The following CEP57L1 variants were observed in gnomAD, a reference collection of about 807,000 sequenced individuals.
CEP57L1 encodes the protein centrosomal protein CEP57L1.
Under a neutral mutation model 61.0 loss-of-function variants are expected in CEP57L1, and 37 were observed. The ratio of observed to expected loss-of-function variants is 0.61; its 90% CI spans 0.47 to 0.80. The LOEUF (loss-of-function observed/expected upper bound fraction) is 0.80. Ranked by LOEUF, CEP57L1 falls within the 30% of genes least tolerant of loss-of-function variation. The pLI, the probability that CEP57L1 is intolerant of heterozygous loss-of-function variation, is 0.00. For missense variants in CEP57L1, 422 were observed against 524.7 expected, an observed-to-expected ratio of 0.80 and a Z score of 1.91; for synonymous variants, 137 against 162.3, an observed-to-expected ratio of 0.84 and a Z score of 1.19.
chr6:109,124,755 C>G (rs1372742032), intron 1 of CEP57L1, among the ~76,000 whole-genome samples: 1 of 152,152 alleles, frequency 6.6e-6, no homozygotes, highest in Admixed American at 6.6e-5. Context: ...CAGAATACTA[C>G]TAGTTCAGTA....
Position 109,170,317 on chromosome 6 carries a change from A to G in CEP57L1, c.*7347A>G, listed in dbSNP as rs1013911835. 6.6e-6 allele frequency among the ~76,000 whole-genome samples: 1 copy of G among 152,190 alleles called. No homozygotes were observed. Among genetic ancestry groups the G allele is most frequent in the African/African-American group, 2.4e-5 (1 of 41,452 alleles). On this transcript the variant is annotated 3_prime_UTR_variant, in exon 11 of 11. Coordinates refer to ENST00000517392, the MANE Select transcript of CEP57L1 (RefSeq NM_001271852.3). Reference sequence around the variant, plus strand: ...TTCCAATCAGCTAAAATAATGTAAAATAATGTACTTTTCAACCTGACTTGG... The same window carrying G: ...TTCCAATCAGCTAAAATAATGTAAAGTAATGTACTTTTCAACCTGACTTGG...
intron 1 of CEP57L1, among the ~76,000 whole-genome samples, chr6:109,131,060 T>C (rs913406806): frequency 6.6e-6 from 1 of 152,182 alleles, no homozygotes. Flanking sequence ...ATTTTTCATA[T>C]CTATCAAGGA....
intron 1 of CEP57L1, among the ~76,000 whole-genome samples, chr6:109,142,172 G>A (rs1398660473): frequency 6.6e-6 from 1 of 152,108 alleles, no homozygotes; most frequent in Non-Finnish European, 1.5e-5. Context: ...TTCCCTGGTT[G>A]TTCACAAGCT....
At chr6:109,112,963 G>A (rs1478266363) in intron 1 of CEP57L1, among the ~76,000 whole-genome samples, 1 of 152,120 alleles carries the variant, frequency 6.6e-6, no homozygotes, top group Non-Finnish European at 1.5e-5. Context: ...GTGTGATGTG[G>A]TGCTGAGAGG....
intron 4 of CEP57L1, among the ~76,000 whole-genome samples, chr6:109,152,389 G>A (rs1337924426): frequency 6.6e-6 from 1 of 151,916 alleles, no homozygotes; most frequent in Admixed American, 6.6e-5. Flanking sequence ...GCCATGTTGG[G>A]GCAGGCTGGT....
chr6:109,158,878 C>T lies in CEP57L1; in HGVS notation c.745-147C>T, dbSNP rs552696565. On this transcript the variant is annotated intron_variant, in intron 7 of 10. Transcript: ENST00000517392. Reference sequence around the variant, plus strand: ...AATATCTTTTCGTATGTTTGTCATACGTATGTCTATGTCAGTGAAATTTCT... The same window carrying T: ...AATATCTTTTCGTATGTTTGTCATATGTATGTCTATGTCAGTGAAATTTCT... 20 of 699,782 alleles carry T rather than the reference C, an allele frequency of 2.9e-5. 1 individual carries two copies. The highest frequency in any genetic ancestry group is 2.8e-4 in the Admixed American group (10 of 35,358). The allele number at this position is 699,782 out of a possible 1,614,324, so 43.3% of individuals were successfully genotyped here.
At chr6:109,159,187 A>G in intron 8 of CEP57L1, 82 bp from the exon 9 acceptor site, 1 of 1,613,600 alleles carries the variant, frequency 6.2e-7, no homozygotes, top group Non-Finnish European at 8.5e-7. Context: ...AGTCATTTAA[A>G]ATTATTCTCA....
intron 10 of CEP57L1, 70 bp from the exon 11 acceptor site, chr6:109,162,679 A>T: frequency 1.0e-6 from 1 of 991,202 alleles, no homozygotes; most frequent in Non-Finnish European, 1.5e-6. Context: ...CCATCAATTC[A>T]ACCTATCTAT....
At chr6:109,151,180 A>G (rs558508984) in intron 4 of CEP57L1, among the ~76,000 whole-genome samples, 1 of 152,312 alleles carries the variant, frequency 6.6e-6, no homozygotes, top group Admixed American at 6.5e-5. Flanking sequence ...CAGAAGGGTA[A>G]AAGTACCAAT....
intron 1 of CEP57L1, among the ~76,000 whole-genome samples, chr6:109,121,686 G>A (rs542508363): frequency 6.6e-6 from 1 of 152,194 alleles, no homozygotes; most frequent in South Asian, 2.1e-4. Flanking sequence ...CCAGAGTGTG[G>A]AAGCATTTAC....
chr6:109,140,345 C>T (rs1771214368), intron 1 of CEP57L1: 1 of 149,800 alleles, frequency 6.7e-6, no homozygotes, highest in African/African-American at 2.5e-5. Flanking sequence ...CACTTAATTA[C>T]TTCTGTTTGT....
Position 109,136,465 on chromosome 6 carries a change from A to G in CEP57L1, c.-3-8754A>G, listed in dbSNP as rs986899667. ...AGCATTAGGAGATAAACCTAATGTAAATGACGAGTTAATGGGTGCAGCCCA... is the reference window on the plus strand; with the variant it reads ...AGCATTAGGAGATAAACCTAATGTAGATGACGAGTTAATGGGTGCAGCCCA... On this transcript the variant is annotated intron_variant, in intron 1 of 10. Coordinates refer to ENST00000517392, the MANE Select transcript of CEP57L1 (RefSeq NM_001271852.3). Among the ~76,000 whole-genome samples the G allele has an allele frequency of 5.3e-5, 8 of 152,230 alleles. No homozygotes were observed. In the East Asian group the frequency reaches 1.5e-3, roughly 29 times the overall value.
At chr6:109,108,766 A>G (rs751368087) in intron 1 of CEP57L1, among the ~76,000 whole-genome samples, 2 of 152,218 alleles carry the variant, frequency 1.3e-5, no homozygotes, top group Non-Finnish European at 2.9e-5. Context: ...AAGGATTTAT[A>G]TGCTCTGAAG....
rs750969345 is a variant in CEP57L1, at chr6:109,159,387, A to G, written c.941A>G (p.Glu314Gly). 56 of 1,613,950 alleles carry G rather than the reference A, an allele frequency of 3.5e-5. No individual in the cohort carries two copies. In the South Asian group the frequency reaches 6.1e-4, roughly 18 times the overall value. The change falls in exon 9 of 11, where the codon GAA becomes GGA. Residue 314 changes from glutamate to glycine, a missense_variant. Transcript: ENST00000517392. Reference protein sequence around the residue: ...SWCKAIPPDSEKSISICDNLS... With the variant: ...SWCKAIPPDSGKSISICDNLS... ...TGTAAAGCTATTCCTCCTGACTCAG[A>G]AAAGTCCATTTCCATTTGTGACAAT... is the stretch of plus-strand genomic sequence containing the variant.
rs1774237254 is a variant in CEP57L1 at position 109,168,492 on chromosome 6, C to T, written c.*5522C>T. On this transcript the variant is annotated 3_prime_UTR_variant, in exon 11 of 11. Transcript: ENST00000517392. ...ACTTAAGCCACTCAATTTCTGCATACTTCAGCCTCCTCATTGGTTGGATCC... is the reference window on the plus strand; with the variant it reads ...ACTTAAGCCACTCAATTTCTGCATATTTCAGCCTCCTCATTGGTTGGATCC... 6.6e-6 allele frequency among the ~76,000 whole-genome samples: 1 copy of T among 151,930 alleles called. No individual in the cohort carries two copies.
At chr6:109,127,818 C>T (rs1773741914) in intron 1 of CEP57L1, among the ~76,000 whole-genome samples, 1 of 151,016 alleles carries the variant, frequency 6.6e-6, no homozygotes, top group Admixed American at 6.6e-5. Flanking sequence ...TTAGTAGAGA[C>T]GAGGTTTCAC....
intron 1 of CEP57L1, among the ~76,000 whole-genome samples, chr6:109,104,747 T>C (rs939483656): frequency 1.3e-5 from 2 of 152,004 alleles, no homozygotes; most frequent in African/African-American, 4.8e-5. Flanking sequence ...CACACCCAGC[T>C]AATTAAAAAA....
intron 3 of CEP57L1, among the ~76,000 whole-genome samples, chr6:109,147,753 T>G (rs546189674): frequency 6.6e-6 from 1 of 152,330 alleles, no homozygotes; most frequent in Non-Finnish European, 1.5e-5. Flanking sequence ...ATACTTGAGT[T>G]TCCTGAAAGA....
chr6:109,155,155 C>A (rs946043339), intron 5 of CEP57L1, 75 bp from the exon 6 acceptor site: 1 of 833,472 alleles, frequency 1.2e-6, no homozygotes, highest in Non-Finnish European at 1.9e-6. Context: ...CCCCCTAGGA[C>A]TCTATTTGGA....
Sources: gnomAD v4.1 joint callset for allele counts (sites outside exome capture counted in the v4.1 genomes callset) on GRCh38, gnomAD v4.1.1 for gene constraint, MANE v1.5 for transcripts, NCBI Gene and HGNC (gene_info 2026-07-23, HGNC 2026-07-21) for gene names.